Variants in ME3 observed in about 807,000 individuals in gnomAD.
ME3 encodes malic enzyme 3.
ME3 carries 48 observed loss-of-function variants against 68.9 expected under a neutral mutation model. The observed-to-expected ratio is 0.70, with a 90% CI of 0.55 to 0.89. ME3 has a LOEUF of 0.89. Among genes scored for constraint, ME3 ranks in the 40% least tolerant of loss-of-function variants. ME3 has a pLI of 0.00. For synonymous variants in ME3, 320 were observed against 318.8 expected, an observed-to-expected ratio of 1.00 and a Z score of -0.04; for missense variants, 675 against 797.4, an observed-to-expected ratio of 0.85 and a Z score of 1.85.
intron 4 of ME3, among the ~76,000 whole-genome samples, chr11:86,527,730 G>C (rs1047442884): frequency 5.9e-5 from 9 of 152,172 alleles, no homozygotes; most frequent in South Asian, 4.1e-4. Flanking sequence ...GAATTTTCAA[G>C]CCAGAATTTC....
At chr11:86,502,105 C>G (rs945185257) in intron 5 of ME3, among the ~76,000 whole-genome samples, 5 of 152,334 alleles carry the variant, frequency 3.3e-5, no homozygotes, top group African/African-American at 1.2e-4. Flanking sequence ...ATGCTCCATC[C>G]AAACTGAAAT....
At chr11:86,488,938 A>G (rs1951844736) in intron 6 of ME3, among the ~76,000 whole-genome samples, 1 of 152,162 alleles carries the variant, frequency 6.6e-6, no homozygotes, top group African/African-American at 2.4e-5. Context: ...GTCATGGAGA[A>G]AATGGTCAGG....
chr11:86,646,833 A>C (rs1208301506), intron 2 of ME3, among the ~76,000 whole-genome samples: 1 of 152,274 alleles, frequency 6.6e-6, no homozygotes, highest in Admixed American at 6.5e-5. Context: ...AGGGAAGTCC[A>C]TCAGACTAAC....
At chr11:86,486,274 C>A (rs7952019) in intron 7 of ME3, among the ~76,000 whole-genome samples, 4,149 of 152,312 alleles carry the variant, frequency 0.027, 71 homozygotes, top group Middle Eastern at 0.034. Flanking sequence ...AGGATCATTT[C>A]CACCTTATAT....
At chr11:86,584,980 C>CG (rs2139633116) in intron 2 of ME3, among the ~76,000 whole-genome samples, 1 of 152,274 alleles carries the variant, frequency 6.6e-6, no homozygotes, top group African/African-American at 2.4e-5. Flanking sequence ...GTGATAAAGA[C>CG]TAATAATACA....
chr11:86,517,589 A>G (rs1393791866), intron 4 of ME3, among the ~76,000 whole-genome samples: 2 of 152,044 alleles, frequency 1.3e-5, no homozygotes, highest in Admixed American at 6.5e-5. Flanking sequence ...CCCCTTTTTG[A>G]GGGACTTTGC....
At chr11:86,532,889 G>A (rs182098211) in intron 4 of ME3, among the ~76,000 whole-genome samples, 46 of 152,174 alleles carry the variant, frequency 3.0e-4, no homozygotes, top group Admixed American at 1.6e-3. Context: ...GCAAAACCCC[G>A]TCTCTACTAA....
intron 2 of ME3, among the ~76,000 whole-genome samples, chr11:86,573,329 G>A (rs1165555585): frequency 1.3e-5 from 2 of 151,854 alleles, no homozygotes; most frequent in East Asian, 1.9e-4. Context: ...ATTGCTTTTA[G>A]TGTTTTAGTC....
chr11:86,460,842 T>C (rs1321482915), intron 8 of ME3, among the ~76,000 whole-genome samples: 1 of 152,264 alleles, frequency 6.6e-6, no homozygotes, highest in East Asian at 1.9e-4. Context: ...CAGCATGGGC[T>C]GTATCTGCCA....
chr11:86,616,857 G>T (rs1362691405), intron 2 of ME3, among the ~76,000 whole-genome samples: 1 of 152,052 alleles, frequency 6.6e-6, no homozygotes, highest in Admixed American at 6.6e-5. Flanking sequence ...AAAAACTGGT[G>T]AAATCCAAAG....
chr11:86,605,398 A>T (rs1401278866), intron 2 of ME3, among the ~76,000 whole-genome samples: 1 of 152,148 alleles, frequency 6.6e-6, no homozygotes, highest in Non-Finnish European at 1.5e-5. Flanking sequence ...AGAACCTGTG[A>T]CCAGGTATTG....
chr11:86,438,456 T>C (rs1346352280), downstream of ME3, among the ~76,000 whole-genome samples: 1 of 152,174 alleles, frequency 6.6e-6, no homozygotes, highest in Non-Finnish European at 1.5e-5. Flanking sequence ...GTGATATGTT[T>C]ATCTGGCTTT....
At chr11:86,519,774 A>T (rs1042625470) in intron 4 of ME3, among the ~76,000 whole-genome samples, 2 of 152,242 alleles carry the variant, frequency 1.3e-5, no homozygotes, top group Non-Finnish European at 2.9e-5. Flanking sequence ...TAAGAAGCCC[A>T]GGAAGCAGAT....
intron 2 of ME3, among the ~76,000 whole-genome samples, chr11:86,630,912 G>T (rs924550708): frequency 6.6e-6 from 1 of 152,250 alleles, no homozygotes; most frequent in Non-Finnish European, 1.5e-5. Context: ...AACCTGGAAA[G>T]GAGCAGGGTG....
At position 86,660,252 on chromosome 11, in the gene ME3, T is replaced by C. The variant is rs930963081; in HGVS notation, c.183+11510A>G. Reference sequence around the variant, plus strand: ...ATCGAAAGTGAGTTTGATCCTTCAGTCTTCCCCTCTCCTTCCGGACTGGAT... The same window carrying C: ...ATCGAAAGTGAGTTTGATCCTTCAGCCTTCCCCTCTCCTTCCGGACTGGAT... On this transcript the variant is annotated intron_variant, in intron 2 of 14. Coordinates refer to ENST00000543262, the Ensembl canonical transcript of ME3. 1.8e-4 allele frequency among the ~76,000 whole-genome samples: 27 copies of C among 152,182 alleles called. 1 individual carries two copies. Among genetic ancestry groups the C allele is most frequent in the African/African-American group, 2.4e-5 (1 of 41,442 alleles).
chr11:86,641,178 A>C (rs1944651740), intron 2 of ME3, among the ~76,000 whole-genome samples: 1 of 152,248 alleles, frequency 6.6e-6, no homozygotes, highest in South Asian at 2.1e-4. Context: ...CAAGTAGAAA[A>C]GGACAAAATA....
At chr11:86,669,658 C>T (rs940855322) in intron 2 of ME3, among the ~76,000 whole-genome samples, 4 of 152,098 alleles carry the variant, frequency 2.6e-5, no homozygotes, top group African/African-American at 9.7e-5. Context: ...TTCCACAACA[C>T]GTGGGGATTA....
chr11:86,453,001 TTTTTG>T lies in ME3; in HGVS notation c.920-2608_920-2604del, dbSNP rs1223920679. On this transcript the variant is annotated intron_variant, in intron 8 of 14. Transcript: ENST00000543262. ...GTTAGAGGTTTTGTTTTTGTTTTTG[TTTTTG>T]TTTTTAATTTCAGACAGAATCTCAC... 3.3e-5 allele frequency among the ~76,000 whole-genome samples: 5 copies of T among 149,964 alleles called. No homozygotes were observed. The East Asian group carries it at 9.8e-4, about 29-fold the overall frequency.
chr11:86,660,819 A>T (rs1027125425), intron 2 of ME3, among the ~76,000 whole-genome samples: 3 of 150,900 alleles, frequency 2.0e-5, no homozygotes, highest in Non-Finnish European at 4.4e-5. Context: ...ACCTGGCACA[A>T]CATCAGAGCA....
Sources: gnomAD v4.1 joint callset for allele counts (sites outside exome capture counted in the v4.1 genomes callset) on GRCh38, gnomAD v4.1.1 for gene constraint, MANE v1.5 for transcripts, NCBI Gene and HGNC (gene_info 2026-07-23, HGNC 2026-07-21) for gene names.